Variants in EPHA6 observed in about 807,000 individuals in gnomAD.
EPHA6 encodes EPH receptor A6.
A neutral mutation model predicts 112.0 loss-of-function variants in EPHA6; 50 were observed. That is an observed-to-expected ratio of 0.45 (90% confidence interval 0.36 to 0.56). EPHA6 has a LOEUF of 0.56. EPHA6 is among the 20% of genes least tolerant of loss of function. The pLI is 0.00. For missense variants in EPHA6, 1,280 were observed against 1,417.4 expected (o/e 0.90, Z 1.56); for synonymous variants, 529 against 490.7 (o/e 1.08, Z -1.03).
chr3:96,956,369 C>T (rs2041759009), intron 2 of EPHA6, among the ~76,000 whole-genome samples: 1 of 152,104 alleles, frequency 6.6e-6, no homozygotes, highest in South Asian at 2.1e-4. Context: ...ATTGAATTGA[C>T]TAAGATAATG....
intron 6 of EPHA6, among the ~76,000 whole-genome samples, chr3:97,447,025 T>C (rs913114493): frequency 1.3e-5 from 2 of 152,308 alleles, no homozygotes; most frequent in African/African-American, 2.4e-5. Flanking sequence ...TCAATTTTTT[T>C]CCTTGTACTT....
rs546087200 is a variant in EPHA6, at chr3:96,985,196, C to T, written c.451-2134C>T. Among the ~76,000 whole-genome samples, 3 of 152,150 alleles carry T rather than the reference C, an allele frequency of 2.0e-5. No homozygotes were observed. The East Asian group carries it at 5.8e-4, about 30-fold the overall frequency. Reference sequence around the variant, plus strand: ...CCTATTCAGCCATCTTGGAAACACCCCCCGGAATATAATTCTTTACTCCTA... The same window carrying T: ...CCTATTCAGCCATCTTGGAAACACCTCCCGGAATATAATTCTTTACTCCTA... On this transcript the variant is annotated intron_variant, in intron 2 of 17. Coordinates refer to ENST00000389672, the MANE Select transcript of EPHA6 (RefSeq NM_001080448.3).
At chr3:96,931,760 GTCTTA>G (rs1353770692) in intron 2 of EPHA6, among the ~76,000 whole-genome samples, 3 of 152,322 alleles carry the variant, frequency 2.0e-5, no homozygotes, top group Non-Finnish European at 4.4e-5. Context: ...AAACCAGTGA[GTCTTA>G]TCTTGTGAGG....
intron 15 of EPHA6, among the ~76,000 whole-genome samples, chr3:97,721,712 T>G (rs985535713): frequency 2.0e-5 from 3 of 152,230 alleles, no homozygotes; most frequent in Non-Finnish European, 4.4e-5. Flanking sequence ...CTGGGCCATT[T>G]GCCTACAGTC....
chr3:97,450,750 T>A (rs530190382), intron 7 of EPHA6, among the ~76,000 whole-genome samples: 1 of 152,200 alleles, frequency 6.6e-6, no homozygotes, highest in South Asian at 2.1e-4. Flanking sequence ...CATACTCATA[T>A]GAGCCTCTGG....
In EPHA6 at chr3:97,748,777, T is replaced by C; in HGVS notation, c.*76T>C. The C allele has an allele frequency of 1.3e-6, 1 of 785,618 alleles. No individual in the cohort carries two copies. Among genetic ancestry groups the C allele is most frequent in the Non-Finnish European group, 2.2e-6 (1 of 450,054 alleles). The allele number at this position is 785,618 out of a possible 1,614,324, so 48.7% of individuals were successfully genotyped here. A position where few individuals can be genotyped will look rare whatever the true frequency, so the allele number is the denominator to read the frequency against. ...ATATCCTCTCTACTACTCTCTCTTC[T>C]GATTCTCCAAACATCACTTCACAAA... On this transcript the variant is annotated 3_prime_UTR_variant, in exon 18 of 18. Coordinates refer to ENST00000389672, the MANE Select transcript of EPHA6 (RefSeq NM_001080448.3).
chr3:97,384,208 C>T (rs1175315775), intron 5 of EPHA6, among the ~76,000 whole-genome samples: 3 of 152,042 alleles, frequency 2.0e-5, no homozygotes, highest in Non-Finnish European at 4.4e-5. Context: ...GCATTAAGTA[C>T]TTTAAATGAA....
At chr3:97,055,059 T>C (rs1340460587) in intron 3 of EPHA6, among the ~76,000 whole-genome samples, 1 of 152,094 alleles carries the variant, frequency 6.6e-6, no homozygotes, top group East Asian at 1.9e-4. Flanking sequence ...AATTTGCATT[T>C]CTCCTAGAAA....
At chr3:97,715,792 C>T (rs1417585818) in intron 14 of EPHA6, among the ~76,000 whole-genome samples, 2 of 152,160 alleles carry the variant, frequency 1.3e-5, no homozygotes, top group Non-Finnish European at 2.9e-5. Context: ...TTCTTGTTCC[C>T]TCATTAGCAC....
intron 5 of EPHA6, among the ~76,000 whole-genome samples, chr3:97,330,510 G>A (rs2082732763): frequency 6.6e-6 from 1 of 152,004 alleles, no homozygotes; most frequent in South Asian, 2.1e-4. Context: ...GTGGTTTGTA[G>A]TTCTCTTTGA....
rs373852168 is a variant in EPHA6 at position 96,892,983 on chromosome 3, CGT to C, written c.450+26108_450+26109del. ...GTGTGTGTGTGTGTGTGTGTGTGTT[CGT>C]GTGTGTGTGTGTGCGCGCGCAAAGT... On this transcript the variant is annotated intron_variant, in intron 2 of 17. Transcript: ENST00000389672. Among the ~76,000 whole-genome samples the C allele has an allele frequency of 2.0e-4, 25 of 125,612 alleles. No individual in the cohort carries two copies. In the South Asian group the frequency reaches 2.6e-3, roughly 13 times the overall value. The allele number at this position is 125,612 out of a possible 152,430, so 82.4% of individuals were successfully genotyped here.
At chr3:97,537,857 G>A (rs187250943) in intron 11 of EPHA6, among the ~76,000 whole-genome samples, 23 of 152,256 alleles carry the variant, frequency 1.5e-4, no homozygotes, top group South Asian at 2.1e-4. Flanking sequence ...GGGATTATAG[G>A]CATGAGCCAC....
intron 1 of EPHA6, among the ~76,000 whole-genome samples, chr3:96,860,449 G>T (rs1210095339): frequency 1.3e-5 from 2 of 151,620 alleles, no homozygotes; most frequent in African/African-American, 4.9e-5. Flanking sequence ...CCATTATATT[G>T]TAGATATAAC....
At chr3:97,569,330 T>C (rs2093306952) in intron 11 of EPHA6, among the ~76,000 whole-genome samples, 1 of 152,176 alleles carries the variant, frequency 6.6e-6, no homozygotes, top group South Asian at 2.1e-4. Flanking sequence ...AAGTAATAAA[T>C]GAATAATCAA....
chr3:97,565,073 A>T (rs986769228), intron 11 of EPHA6, among the ~76,000 whole-genome samples: 1 of 152,196 alleles, frequency 6.6e-6, no homozygotes, highest in Non-Finnish European at 1.5e-5. Context: ...TAAAGATCAG[A>T]ATCGAGTCTA....
At chr3:97,697,691 G>A (rs1156479531) in intron 14 of EPHA6, among the ~76,000 whole-genome samples, 3 of 152,180 alleles carry the variant, frequency 2.0e-5, no homozygotes, top group Non-Finnish European at 2.9e-5. Context: ...TGGCTTGGAG[G>A]TGTGTTATCA....
chr3:97,137,369 G>A (rs2075792488), intron 3 of EPHA6, among the ~76,000 whole-genome samples: 1 of 152,052 alleles, frequency 6.6e-6, no homozygotes, highest in Admixed American at 6.6e-5. Context: ...AGGAGTATAT[G>A]CTAGAGTCAA....
At chr3:97,073,691 A>G (rs1423007650) in intron 3 of EPHA6, among the ~76,000 whole-genome samples, 1 of 152,128 alleles carries the variant, frequency 6.6e-6, no homozygotes, top group Non-Finnish European at 1.5e-5. Flanking sequence ...CGTAAAGCAT[A>G]TGATATAAAT....
At chr3:96,877,286 T>C (rs1292775666) in intron 2 of EPHA6, among the ~76,000 whole-genome samples, 1 of 152,110 alleles carries the variant, frequency 6.6e-6, no homozygotes, top group Non-Finnish European at 1.5e-5. Flanking sequence ...TCATTTTTTG[T>C]ATTTTAGACA....
Sources: gnomAD v4.1 joint callset for allele counts (sites outside exome capture counted in the v4.1 genomes callset) on GRCh38, gnomAD v4.1.1 for gene constraint, MANE v1.5 for transcripts, NCBI Gene and HGNC (gene_info 2026-07-23, HGNC 2026-07-21) for gene names.